KAZN: variants seen among roughly 807,000 people sequenced by gnomAD.
The protein encoded by KAZN is kazrin, periplakin interacting protein.
A neutral mutation model predicts 87.4 loss-of-function variants in KAZN; 40 were observed. The ratio of observed to expected loss-of-function variants is 0.46; its 90% CI spans 0.36 to 0.60. The LOEUF is 0.60. Ranked by LOEUF, KAZN falls within the 20% of genes least tolerant of loss-of-function variation. The probability of loss-of-function intolerance (pLI) is 0.00; values close to 1 mark genes in which losing one functional copy is unlikely to be tolerated. For missense variants in KAZN, 898 were observed against 1,073.9 expected, an observed-to-expected ratio of 0.84 and a Z score of 2.29; for synonymous variants, 466 against 458.3, an observed-to-expected ratio of 1.02 and a Z score of -0.22.
chr1:14,694,314 G>C (rs1572242922), intron 1 of KAZN, among the ~76,000 whole-genome samples: 1 of 152,370 alleles, frequency 6.6e-6, no homozygotes, highest in East Asian at 1.9e-4. Flanking sequence ...CCTTTAGTTG[G>C]AATGTCGAGA....
intron 2 of KAZN, among the ~76,000 whole-genome samples, chr1:14,587,373 T>C (rs1571991407): frequency 6.6e-6 from 1 of 150,908 alleles, no homozygotes. Flanking sequence ...GAGGCAGAGG[T>C]TGCAGTGAGC....
At chr1:13,988,393 A>G (rs1218262727) in intron 1 of KAZN, among the ~76,000 whole-genome samples, 1 of 152,150 alleles carries the variant, frequency 6.6e-6, no homozygotes. Flanking sequence ...TATCTTGTCC[A>G]AGTTATTGTC....
At chr1:14,036,905 G>A (rs4662079) in intron 1 of KAZN, among the ~76,000 whole-genome samples, 108,942 of 150,498 alleles carry the variant, frequency 0.72, 39,440 homozygotes, top group Admixed American at 0.83. Flanking sequence ...TCAGCCTCCC[G>A]AGTAGCTGGG....
intron 1 of KAZN, among the ~76,000 whole-genome samples, chr1:14,758,933 A>G (rs1471623922): frequency 6.6e-6 from 1 of 152,040 alleles, no homozygotes; most frequent in African/African-American, 2.4e-5. Context: ...AAGAGAAAGC[A>G]TGAAAGTAAG....
At chr1:14,505,559 A>G (rs1259806390) in intron 2 of KAZN, among the ~76,000 whole-genome samples, 2 of 152,184 alleles carry the variant, frequency 1.3e-5, no homozygotes, top group African/African-American at 4.8e-5. Context: ...TCTGAGATCA[A>G]ATAAATTTGA....
At chr1:14,418,819 A>T (rs922236105) in intron 2 of KAZN, among the ~76,000 whole-genome samples, 4 of 152,042 alleles carry the variant, frequency 2.6e-5, no homozygotes, top group Admixed American at 6.6e-5. Flanking sequence ...AATCCCTCAG[A>T]GTCTTGTGAG....
intron 1 of KAZN, among the ~76,000 whole-genome samples, chr1:14,703,880 G>C (rs1382082533): frequency 2.0e-5 from 3 of 152,130 alleles, no homozygotes; most frequent in Non-Finnish European, 2.9e-5. Flanking sequence ...GTGAGACTTT[G>C]TCTCTAAAAA....
chr1:15,082,984 A>G (rs1481708515), intron 8 of KAZN, among the ~76,000 whole-genome samples: 1 of 152,124 alleles, frequency 6.6e-6, no homozygotes, highest in Non-Finnish European at 1.5e-5. Flanking sequence ...TGATCTAAAG[A>G]CCACTCTAGG....
At position 15,077,110 on chromosome 1, in the gene KAZN, G is replaced by T. The variant is rs938577377; in HGVS notation, c.1222+11357G>T. Among the ~76,000 whole-genome samples the T allele has an allele frequency of 6.6e-6, 1 of 152,222 alleles. No individual in the cohort carries two copies. Among genetic ancestry groups the T allele is most frequent in the Admixed American group, 6.5e-5 (1 of 15,286 alleles). On this transcript the variant is annotated intron_variant, in intron 8 of 14. Coordinates refer to ENST00000376030, the MANE Select transcript of KAZN (RefSeq NM_201628.3). This position sits in a 1 kb window ranked among gnomAD's most constrained non-coding sequence, Gnocchi z 4.8. ...TTTCCAGAGCTCCAGATCTTCTAGA[G>T]AAGCCAAATATCTCACATAATACAC... is the stretch of plus-strand genomic sequence containing the variant.
chr1:14,303,815 A>G (rs528330222), intron 2 of KAZN, among the ~76,000 whole-genome samples: 14 of 152,310 alleles, frequency 9.2e-5, no homozygotes, highest in African/African-American at 3.1e-4. Flanking sequence ...TATGAATCCA[A>G]CATCCACAAG....
At chr1:14,348,332 G>A (rs1288518403) in intron 2 of KAZN, among the ~76,000 whole-genome samples, 1 of 152,172 alleles carries the variant, frequency 6.6e-6, no homozygotes, top group African/African-American at 2.4e-5. Flanking sequence ...AATTACAGGT[G>A]TGAGCCACTG....
intron 1 of KAZN, among the ~76,000 whole-genome samples, chr1:13,974,017 C>A (rs57374369): frequency 0.028 from 4,301 of 152,332 alleles, 194 homozygotes; most frequent in African/African-American, 0.099. Context: ...ATGCATGGGG[C>A]AAAGTCTGGT....
intron 2 of KAZN, among the ~76,000 whole-genome samples, chr1:14,303,166 G>A (rs971475578): frequency 3.3e-5 from 5 of 152,180 alleles, no homozygotes; most frequent in Admixed American, 3.3e-4. Flanking sequence ...TTCACAAAGT[G>A]TGGTCTATGG....
intron 2 of KAZN, among the ~76,000 whole-genome samples, chr1:14,235,517 C>G (rs1170010266): frequency 1.3e-5 from 2 of 152,106 alleles, no homozygotes; most frequent in African/African-American, 4.8e-5. Context: ...AAAAAAGAAG[C>G]TTCTAAAATG....
intron 1 of KAZN, among the ~76,000 whole-genome samples, chr1:14,065,185 G>A (rs780260524): frequency 1.3e-4 from 20 of 152,318 alleles, no homozygotes; most frequent in Admixed American, 2.6e-4. Flanking sequence ...CTCAGGAGGG[G>A]AATCTGTTCC....
chr1:14,154,395 T>G (rs1024642682), intron 1 of KAZN, among the ~76,000 whole-genome samples: 2 of 152,224 alleles, frequency 1.3e-5, no homozygotes, highest in Non-Finnish European at 2.9e-5. Flanking sequence ...TGGTTTTTTT[T>G]GTGGAGTCTT....
intron 1 of KAZN, among the ~76,000 whole-genome samples, chr1:14,819,140 A>AAAAC (rs1424944289): frequency 6.6e-6 from 1 of 152,250 alleles, no homozygotes. Flanking sequence ...CCTCTGGCTT[A>AAAAC]AAACAAAAAC....
chr1:14,445,590 C>A (rs1020095462), intron 2 of KAZN, among the ~76,000 whole-genome samples: 2 of 152,066 alleles, frequency 1.3e-5, no homozygotes, highest in Non-Finnish European at 2.9e-5. Flanking sequence ...GTTGTTGAAG[C>A]CCCCCGACTG....
chr1:14,314,046 C>G (rs1260790691), intron 2 of KAZN, among the ~76,000 whole-genome samples: 2 of 152,118 alleles, frequency 1.3e-5, no homozygotes, highest in African/African-American at 2.4e-5. Context: ...GTCATTTGCT[C>G]TGTGATATTA....
Sources: gnomAD v4.1 joint callset for allele counts (sites outside exome capture counted in the v4.1 genomes callset) on GRCh38, gnomAD v4.1.1 for gene constraint, Gnocchi (gnomAD v3.1) non-coding constraint, MANE v1.5 for transcripts, NCBI Gene and HGNC (gene_info 2026-07-23, HGNC 2026-07-21) for gene names.